FGL1: variants seen among roughly 807,000 people sequenced by gnomAD.
FGL1 encodes fibrinogen-like protein 1.
A neutral mutation model predicts 43.7 loss-of-function variants in FGL1; 59 were observed. The observed-to-expected ratio is 1.35, with a 90% CI of 1.10 to 1.68. FGL1 has a LOEUF of 1.68. Ranked by LOEUF, FGL1 falls within the 40% of genes most tolerant of loss-of-function variation. The pLI is 0.00. For synonymous variants in FGL1, 192 were observed against 126.5 expected (o/e 1.52, Z -3.48); for missense variants, 596 against 373.0 (o/e 1.60, Z -4.92).
intron 7 of FGL1, among the ~76,000 whole-genome samples, chr8:17,867,841 A>T (rs1287887095): frequency 3.9e-5 from 6 of 152,206 alleles, no homozygotes. Flanking sequence ...AGGCCGGGGT[A>T]GGTGGATCAC....
rs1320435941 is a variant in FGL1, at chr8:17,882,260, G to A, written c.64-81C>T. On this transcript the variant is annotated intron_variant, in intron 2 of 7. Coordinates refer to ENST00000427924, the MANE Select transcript of FGL1 (RefSeq NM_004467.4). Reference sequence around the variant, plus strand: ...GCTTTTTAAACATTTGGATAAATCAGTGATTCCATTTTGTCTCCAGTTCCC... The same window carrying A: ...GCTTTTTAAACATTTGGATAAATCAATGATTCCATTTTGTCTCCAGTTCCC... The A allele has an allele frequency of 3.0e-6, 4 of 1,312,396 alleles. No homozygotes were observed. The East Asian group carries it at 9.9e-5, about 32-fold the overall frequency. The allele number at this position is 1,312,396 out of a possible 1,614,324, so 81.3% of individuals were successfully genotyped here.
At chr8:17,877,231 T>G (rs916133565) in intron 3 of FGL1, among the ~76,000 whole-genome samples, 1 of 148,456 alleles carries the variant, frequency 6.7e-6, no homozygotes, top group African/African-American at 2.5e-5. Context: ...TTCATGGGAG[T>G]TTTTTTTTTA....
chr8:17,866,977 G>C (rs1372021367), intron 7 of FGL1, among the ~76,000 whole-genome samples: 8 of 152,162 alleles, frequency 5.3e-5, no homozygotes, highest in South Asian at 2.1e-4. Context: ...CCTTCAATTT[G>C]CAAAGCAGGA....
At chr8:17,872,335 C>A (rs1402713860) in intron 5 of FGL1, among the ~76,000 whole-genome samples, 3 of 58,682 alleles carry the variant, frequency 5.1e-5, no homozygotes, top group Non-Finnish European at 1.1e-4. Flanking sequence ...CAGAGTCTTG[C>A]TCTGTCACCC....
At position 17,882,754 on chromosome 8, in the gene FGL1, T is replaced by A. The variant is rs183076600; in HGVS notation, c.64-575A>T. 7.4e-3 allele frequency: 987 copies of A among 133,596 alleles called. 26 individuals carry two copies. The highest frequency in any genetic ancestry group is 0.026 in the African/African-American group (925 of 35,784). The allele number at this position is 133,596 out of a possible 1,614,324, so 8.3% of individuals were successfully genotyped here. Reference sequence around the variant, plus strand: ...GCATATAAATAATATATAATATATATAATATATAATATATTAAACAATATA... The same window carrying A: ...GCATATAAATAATATATAATATATAAAATATATAATATATTAAACAATATA... On this transcript the variant is annotated intron_variant, in intron 2 of 7. Transcript: ENST00000427924.
rs2053237344 is a variant in FGL1 at position 17,864,389 on chromosome 8, T to C, written c.*203A>G. 1.4e-5 allele frequency: 7 copies of C among 511,054 alleles called. No homozygotes were observed. Among genetic ancestry groups the C allele is most frequent in the South Asian group, 9.7e-5 (3 of 30,838 alleles). 31.7% of individuals were successfully genotyped at this position (511,054 alleles called of 1,614,324 possible). A position where few individuals can be genotyped will look rare whatever the true frequency, so the allele number is the denominator to read the frequency against. ...CCTTTGCACACAGGGATTCAATAAA[T>C]ATTAACACAGTCTACATTTATTTGG... On this transcript the variant is annotated 3_prime_UTR_variant, in exon 8 of 8. Transcript: ENST00000427924.
At chr8:17,886,958 G>T (rs1349891577) in intron 1 of FGL1, among the ~76,000 whole-genome samples, 2 of 152,150 alleles carry the variant, frequency 1.3e-5, no homozygotes, top group Non-Finnish European at 2.9e-5. Context: ...CTAACAGTCA[G>T]ATCCTCATCT....
chr8:17,885,648 T>C, intron 1 of FGL1, 77 bp from the exon 2 acceptor site: 1 of 1,244,448 alleles, frequency 8.0e-7, no homozygotes, highest in Non-Finnish European at 1.1e-6. Context: ...CTTCAGTAGC[T>C]CCAGGAAGTC....
chr8:17,877,449 G>A (rs1227243983), intron 3 of FGL1, among the ~76,000 whole-genome samples: 1 of 152,114 alleles, frequency 6.6e-6, no homozygotes, highest in Admixed American at 6.5e-5. Flanking sequence ...CTTGTCTCAG[G>A]ATGGTGGCTG....
intron 1 of FGL1, among the ~76,000 whole-genome samples, chr8:17,889,157 G>A (rs1294782719): frequency 6.6e-6 from 1 of 152,116 alleles, no homozygotes; most frequent in East Asian, 1.9e-4. Context: ...CATCATCAAG[G>A]GGACAAGGGC....
Position 17,892,202 on chromosome 8 carries a change from C to A in FGL1, c.-18+3245G>T, listed in dbSNP as rs117406472. ...TAGCATAAAGGAAAAAAATAAATGC[C>A]CTTATGCAAATGGCAATTTCTTAAA... is the stretch of plus-strand genomic sequence containing the variant. On this transcript the variant is annotated intron_variant, in intron 1 of 7. Coordinates refer to ENST00000427924, the MANE Select transcript of FGL1 (RefSeq NM_004467.4). Among the ~76,000 whole-genome samples, 390 of 151,790 alleles carry A rather than the reference C, an allele frequency of 2.6e-3. 2 individuals carry two copies. In the East Asian group the frequency reaches 0.05, roughly 20 times the overall value.
chr8:17,867,659 CT>C (rs2053290128), intron 7 of FGL1, among the ~76,000 whole-genome samples: 5 of 152,214 alleles, frequency 3.3e-5, no homozygotes, highest in Non-Finnish European at 7.3e-5. Flanking sequence ...ACTCAGACTT[CT>C]ACTAAGTGTC....
chr8:17,893,937 C>G (rs1277091328), intron 1 of FGL1, among the ~76,000 whole-genome samples: 1 of 146,792 alleles, frequency 6.8e-6, no homozygotes, highest in Non-Finnish European at 1.5e-5. Context: ...TAGGCAGTAT[C>G]AAAACTTTTA....
At position 17,868,677 on chromosome 8, in the gene FGL1, C is replaced by T; in HGVS notation, c.650G>A (p.Gly217Glu). The part of the protein sequence containing the change: ...YSGTAGDSLA[G>E]NFHPEVQWWA... ...CCACTGCACCTCAGGATGAAAATTC[C>T]CCGCAAGGGAATCTCCAGCTGTTCC... Residue 217 changes from glycine (G) to glutamate (E), a missense_variant, in exon 7 of 8, where the codon GGG becomes GAG. Coordinates refer to ENST00000427924, the MANE Select transcript of FGL1 (RefSeq NM_004467.4). 3 of 1,613,706 alleles carry T rather than the reference C, an allele frequency of 1.9e-6. No homozygotes were observed. Among genetic ancestry groups the T allele is most frequent in the Non-Finnish European group, 2.5e-6 (3 of 1,179,882 alleles).
intron 7 of FGL1, among the ~76,000 whole-genome samples, chr8:17,867,491 A>G (rs1283788687): frequency 6.6e-6 from 1 of 152,242 alleles, no homozygotes. Context: ...TAATTTATAA[A>G]TTAGACACAG....
At chr8:17,875,853 C>A (rs896026108) in intron 3 of FGL1, among the ~76,000 whole-genome samples, 5 of 152,028 alleles carry the variant, frequency 3.3e-5, no homozygotes, top group African/African-American at 4.8e-5. Flanking sequence ...GCCATCCGCC[C>A]GCCTCGGCCT....
chr8:17,883,793 T>TCCTTCC (rs1176437675), intron 2 of FGL1, among the ~76,000 whole-genome samples: 1 of 133,474 alleles, frequency 7.5e-6, no homozygotes, highest in Non-Finnish European at 1.5e-5. Context: ...TTCTCCCTTT[T>TCCTTCC]CCTTCCCCTT....
chr8:17,889,518 T>G (rs971308558), intron 1 of FGL1, among the ~76,000 whole-genome samples: 2 of 152,060 alleles, frequency 1.3e-5, no homozygotes, highest in Non-Finnish European at 2.9e-5. Context: ...TCACTGTAGT[T>G]AAGCCTGGGT....
At chr8:17,871,016 A>G (rs191690317) in intron 5 of FGL1, among the ~76,000 whole-genome samples, 12 of 151,946 alleles carry the variant, frequency 7.9e-5, no homozygotes, top group Non-Finnish European at 1.6e-4. Context: ...GGGGCAGGGA[A>G]TGCTGGATTC....
Sources: gnomAD v4.1 joint callset for allele counts (sites outside exome capture counted in the v4.1 genomes callset) on GRCh38, gnomAD v4.1.1 for gene constraint, MANE v1.5 for transcripts, NCBI Gene and HGNC (gene_info 2026-07-23, HGNC 2026-07-21) for gene names.